The following SRPK1 variants were observed in gnomAD, a reference collection of about 807,000 sequenced individuals.
The protein encoded by SRPK1 is SRSF protein kinase 1, also known as SFRS protein kinase 1.
In SRPK1, 52 loss-of-function variants were observed where a neutral mutation model predicts 89.5. The ratio of observed to expected loss-of-function variants is 0.58; its 90% CI spans 0.46 to 0.73. The LOEUF (loss-of-function observed/expected upper bound fraction) is 0.73, where lower values mean the gene tolerates loss of function less well. SRPK1 is among the 30% of genes least tolerant of loss of function. The probability of loss-of-function intolerance (pLI) is 0.00; values close to 1 mark genes in which losing one functional copy is unlikely to be tolerated. For missense variants in SRPK1, 603 were observed against 780.6 expected, an observed-to-expected ratio of 0.77 and a Z score of 2.71; for synonymous variants, 255 against 270.2, an observed-to-expected ratio of 0.94 and a Z score of 0.55.
intron 7 of SRPK1, among the ~76,000 whole-genome samples, chr6:35,873,751 A>G (rs1437180224): frequency 6.6e-6 from 1 of 152,016 alleles, no homozygotes; most frequent in Admixed American, 6.6e-5. Flanking sequence ...CGGCCTCCCA[A>G]AGTGCTGGGA....
At chr6:35,919,510 C>T (rs1771181557) in intron 2 of SRPK1, among the ~76,000 whole-genome samples, 1 of 152,162 alleles carries the variant, frequency 6.6e-6, no homozygotes, top group African/African-American at 2.4e-5. Context: ...AAAGATAATA[C>T]ATCTAAAATT....
At chr6:35,845,281 T>C (rs1316400552) in intron 13 of SRPK1, among the ~76,000 whole-genome samples, 1 of 71,860 alleles carries the variant, frequency 1.4e-5, no homozygotes, top group Non-Finnish European at 3.2e-5. Flanking sequence ...TGTGCCAATG[T>C]AGGTTCATTG....
intron 2 of SRPK1, among the ~76,000 whole-genome samples, chr6:35,900,520 T>C (rs1459205454): frequency 1.3e-5 from 2 of 152,194 alleles, no homozygotes; most frequent in African/African-American, 2.4e-5. Context: ...TGACAAAAAA[T>C]AGCCCTAATT....
rs148847021 is a variant in SRPK1 at position 35,858,644 on chromosome 6, T to C, written c.1513-1276A>G. Among the ~76,000 whole-genome samples the C allele has an allele frequency of 1.5e-4, 23 of 152,246 alleles. No individual in the cohort carries two copies. The East Asian group carries it at 4.2e-3, about 28-fold the overall frequency. On this transcript the variant is annotated intron_variant, in intron 12 of 15. Coordinates refer to ENST00000373825, the MANE Select transcript of SRPK1 (RefSeq NM_003137.5). ...GAGAGTGAAAGCAGAATAAAGACTA[T>C]CAGATGTGCAAATCCCACCCTTCCC...
At chr6:35,887,630 T>C (rs562569055) in intron 5 of SRPK1, among the ~76,000 whole-genome samples, 1 of 152,194 alleles carries the variant, frequency 6.6e-6, no homozygotes, top group Non-Finnish European at 1.5e-5. Flanking sequence ...AGTATTTTTA[T>C]ATTATGTATT....
In SRPK1 at chr6:35,840,056, C is replaced by T. The variant is rs368937150; in HGVS notation, c.1691-1627G>A. ...TCCTGGGCTCAAGCGATCCACCCAC[C>T]TCAGCCTCCTGAAGTGCTGGGATTA... On this transcript the variant is annotated intron_variant, in intron 14 of 15. Transcript: ENST00000373825. 3.5e-4 allele frequency among the ~76,000 whole-genome samples: 53 copies of T among 152,280 alleles called. No homozygotes were observed. The East Asian group carries it at 7.5e-3, about 22-fold the overall frequency.
chr6:35,875,448 T>A (rs560804909), intron 6 of SRPK1, among the ~76,000 whole-genome samples: 1 of 152,204 alleles, frequency 6.6e-6, no homozygotes, highest in South Asian at 2.1e-4. Context: ...ACTCCTGACC[T>A]CATAATCTAC....
In SRPK1 at chr6:35,897,487, G is replaced by T. The variant is rs186061770; in HGVS notation, c.75-6474C>A. 6.2e-4 allele frequency among the ~76,000 whole-genome samples: 95 copies of T among 152,278 alleles called. No individual in the cohort carries two copies. In the Middle Eastern group the frequency reaches 0.01, roughly 16 times the overall value. On this transcript the variant is annotated intron_variant, in intron 2 of 15. Coordinates refer to ENST00000373825, the MANE Select transcript of SRPK1 (RefSeq NM_003137.5). ...TGTCTAGGGAAAAGGTGAGACAGAGGACTATGTAGCAGTTATTTAATTAAT... is the reference window on the plus strand; with the variant it reads ...TGTCTAGGGAAAAGGTGAGACAGAGTACTATGTAGCAGTTATTTAATTAAT...
intron 14 of SRPK1, among the ~76,000 whole-genome samples, chr6:35,839,690 T>G (rs928519424): frequency 6.6e-6 from 1 of 151,594 alleles, no homozygotes; most frequent in East Asian, 1.9e-4. Context: ...AAAACTTTTT[T>G]TTTTTTTTGA....
intron 2 of SRPK1, among the ~76,000 whole-genome samples, chr6:35,912,266 G>A (rs974038047): frequency 7.9e-5 from 12 of 152,130 alleles, no homozygotes; most frequent in African/African-American, 2.7e-4. Context: ...CAGGAGGAAC[G>A]CATGCACCCA....
At chr6:35,896,977 G>C (rs924331827) in intron 2 of SRPK1, among the ~76,000 whole-genome samples, 1 of 152,176 alleles carries the variant, frequency 6.6e-6, no homozygotes, top group Non-Finnish European at 1.5e-5. Context: ...ATAATCCTAA[G>C]ATTTTATTTA....
In SRPK1 at chr6:35,835,076, CTT is replaced by C. The variant is rs1769146694; in HGVS notation, c.*226_*227del. The C allele has an allele frequency of 2.3e-6, 1 of 433,890 alleles. No homozygotes were observed. Among genetic ancestry groups the C allele is most frequent in the African/African-American group, 1.9e-5 (1 of 51,286 alleles). 26.9% of individuals were successfully genotyped at this position (433,890 alleles called of 1,614,324 possible). A position where few individuals can be genotyped will look rare whatever the true frequency, so the allele number is the denominator to read the frequency against. ...CTGTTTCACATTTTAGTCCATTAGT[CTT>C]TGGCAGAGCCCAACCAAGGCCAAAT... is the stretch of plus-strand genomic sequence containing the variant. On this transcript the variant is annotated 3_prime_UTR_variant, in exon 16 of 16. Coordinates refer to ENST00000373825, the MANE Select transcript of SRPK1 (RefSeq NM_003137.5).
intron 2 of SRPK1, among the ~76,000 whole-genome samples, chr6:35,912,687 G>A (rs899295089): frequency 2.0e-5 from 3 of 152,180 alleles, no homozygotes; most frequent in Admixed American, 6.5e-5. Flanking sequence ...GAGAGGATTT[G>A]GAGAGCATGA....
intron 13 of SRPK1, among the ~76,000 whole-genome samples, chr6:35,843,864 A>C (rs1460589346): frequency 1.3e-5 from 2 of 152,190 alleles, no homozygotes; most frequent in African/African-American, 4.8e-5. Context: ...TGTCTCCTTT[A>C]ATAGAAAAAC....
intron 15 of SRPK1, among the ~76,000 whole-genome samples, chr6:35,836,798 CAT>C (rs1407922447): frequency 6.7e-6 from 1 of 149,196 alleles, no homozygotes; most frequent in African/African-American, 2.5e-5. Flanking sequence ...TTTTTTTAAA[CAT>C]AAAAATTTTA....
rs1264656177 is a variant in SRPK1, at chr6:35,888,808, A to G, written c.302+7T>C. On this transcript the variant is annotated splice_region_variant and intron_variant, in intron 4 of 15. Transcript: ENST00000373825. ...ACTAATTCTTTTACAGAACCACTAA[A>G]ACTTACTGAATATCCCATGATAACC... The G allele has an allele frequency of 3.8e-6, 6 of 1,578,660 alleles. No homozygotes were observed. The Admixed American group carries it at 1.0e-4, about 26-fold the overall frequency.
At chr6:35,898,674 G>C (rs2127262019) in intron 2 of SRPK1, among the ~76,000 whole-genome samples, 1 of 152,262 alleles carries the variant, frequency 6.6e-6, no homozygotes. Flanking sequence ...GGAGGTGGCA[G>C]TGAGCCGAGA....
chr6:35,844,494 G>A (rs886359471), intron 13 of SRPK1, among the ~76,000 whole-genome samples: 2 of 152,146 alleles, frequency 1.3e-5, no homozygotes, highest in Non-Finnish European at 2.9e-5. Flanking sequence ...GCTCACCAGT[G>A]TCAGTTTCTG....
chr6:35,921,061 A>AGACCGGTAATCGCCAGGCGC lies in SRPK1; in HGVS notation c.-25_-6dup. On this transcript the variant is annotated 5_prime_UTR_variant, in exon 1 of 16. Transcript: ENST00000373825. Reference sequence around the variant, plus strand: ...CCGCTCACCTTTCCGCTCCATGGTGAGACCGGTAATCGCCAGGCGCCTGCG... The same window carrying AGACCGGTAATCGCCAGGCGC: ...CCGCTCACCTTTCCGCTCCATGGTGAGACCGGTAATCGCCAGGCGCGACCGGTAATCGCCAGGCGCCTGCG... 1 of 1,533,580 alleles carries AGACCGGTAATCGCCAGGCGC rather than the reference A, an allele frequency of 6.5e-7. No individual in the cohort carries two copies. The allele number at this position is 1,533,580 out of a possible 1,614,324, so 95.0% of individuals were successfully genotyped here.
Sources: gnomAD v4.1 joint callset for allele counts (sites outside exome capture counted in the v4.1 genomes callset) on GRCh38, gnomAD v4.1.1 for gene constraint, MANE v1.5 for transcripts, NCBI Gene and HGNC (gene_info 2026-07-23, HGNC 2026-07-21) for gene names.